KMT5B: variants seen among roughly 807,000 people sequenced by gnomAD.
The protein encoded by KMT5B is lysine methyltransferase 5B, also known as histone-lysine N-methyltransferase KMT5B.
A neutral mutation model predicts 83.2 loss-of-function variants in KMT5B; 10 were observed. The observed-to-expected ratio is 0.12, with a 90% CI of 0.07 to 0.20. The LOEUF (loss-of-function observed/expected upper bound fraction) is 0.20, where lower values mean the gene tolerates loss of function less well. Ranked by LOEUF, KMT5B falls within the 10% of genes least tolerant of loss-of-function variation. The pLI, the probability that KMT5B is intolerant of heterozygous loss-of-function variation, is 1.00. For synonymous variants in KMT5B, 349 were observed against 388.8 expected (o/e 0.90, Z 1.20); for missense variants, 753 against 1,067.2 (o/e 0.71, Z 4.10).
At position 68,175,000 on chromosome 11, in the gene KMT5B, C is replaced by A. The variant is rs753177088; in HGVS notation, c.543+18G>T. 3 of 1,604,822 alleles carry A rather than the reference C, an allele frequency of 1.9e-6. No homozygotes were observed. Among genetic ancestry groups the A allele is most frequent in the Non-Finnish European group, 2.6e-6 (3 of 1,172,444 alleles). ...TCTTATCCAAATAGGTTAACAGCAT[C>A]AGTCTTAATAAACTTACATGTTCTT... On this transcript the variant is annotated intron_variant, in intron 5 of 10. Transcript: ENST00000304363.
At chr11:68,160,304 A>C (rs142146165) in intron 10 of KMT5B, among the ~76,000 whole-genome samples, 1 of 152,068 alleles carries the variant, frequency 6.6e-6, no homozygotes, top group African/African-American at 2.4e-5. Context: ...TGCTATGTTA[A>C]TTTTTCCTCT....
At chr11:68,197,194 C>CGATCTCCTGACCTCAT (rs1373740987) in intron 1 of KMT5B, among the ~76,000 whole-genome samples, 1 of 152,072 alleles carries the variant, frequency 6.6e-6, no homozygotes, top group African/African-American at 2.4e-5. Flanking sequence ...AGGATAGTCT[C>CGATCTCCTGACCTCAT]GATCTCCTGA....
chr11:68,213,623 G>A (rs1232153171), upstream of KMT5B: 3 of 153,648 alleles, frequency 2.0e-5, no homozygotes, highest in African/African-American at 7.3e-5. Flanking sequence ...CACCGCCGCC[G>A]CGTCGCCGCC....
intron 1 of KMT5B, among the ~76,000 whole-genome samples, chr11:68,202,502 G>A (rs2153085028): frequency 6.7e-6 from 1 of 149,156 alleles, no homozygotes; most frequent in African/African-American, 2.5e-5. Flanking sequence ...ACTACTCTGT[G>A]TAATTATCTG....
At chr11:68,177,039 A>G (rs1046171380) in intron 4 of KMT5B, among the ~76,000 whole-genome samples, 2 of 152,184 alleles carry the variant, frequency 1.3e-5, no homozygotes, top group African/African-American at 4.8e-5. Flanking sequence ...ATAGTATTTC[A>G]GTAAGATTTC....
At chr11:68,199,086 G>A (rs371374337) in intron 1 of KMT5B, among the ~76,000 whole-genome samples, 1 of 152,024 alleles carries the variant, frequency 6.6e-6, no homozygotes, top group Non-Finnish European at 1.5e-5. Context: ...TAAAGTAATT[G>A]CGTTGTTTTT....
At chr11:68,166,774 T>C in intron 10 of KMT5B, 2 of 1,391,090 alleles carry the variant, frequency 1.4e-6, no homozygotes, top group South Asian at 1.7e-5. Flanking sequence ...TCAAGAAAAA[T>C]AGTCTAGAGG....
intron 10 of KMT5B, among the ~76,000 whole-genome samples, chr11:68,161,998 C>T (rs528880474): frequency 1.3e-5 from 2 of 152,270 alleles, no homozygotes; most frequent in Admixed American, 6.5e-5. Context: ...TGGTCAATAT[C>T]ACCACCACAT....
chr11:68,180,256 C>A, intron 3 of KMT5B, 56 bp from the exon 4 acceptor site: 1 of 1,517,720 alleles, frequency 6.6e-7, no homozygotes, highest in East Asian at 2.4e-5. Context: ...ATAATCTGTA[C>A]TTGTAATTTC....
At chr11:68,205,595 G>T (rs1371950011) in intron 1 of KMT5B, among the ~76,000 whole-genome samples, 1 of 151,058 alleles carries the variant, frequency 6.6e-6, no homozygotes, top group Non-Finnish European at 1.5e-5. Context: ...TCCACTACTG[G>T]TAAGTTTATG....
In KMT5B at chr11:68,178,535, TAAG is replaced by T. The variant is rs1186202326; in HGVS notation, c.377+1594_377+1596del. Among the ~76,000 whole-genome samples, 489 of 152,288 alleles carry T rather than the reference TAAG, an allele frequency of 3.2e-3. 4 individuals are homozygous for T. Among genetic ancestry groups the T allele is most frequent in the African/African-American group, 0.011 (474 of 41,546 alleles). On this transcript the variant is annotated intron_variant, in intron 4 of 10. Transcript: ENST00000304363. ...AAGAACCTCTATTTCACTAAAAATATAAGTTGCTGTCCCAAACCTGTTAAAACT... is the reference window on the plus strand; with the variant it reads ...AAGAACCTCTATTTCACTAAAAATATTTGCTGTCCCAAACCTGTTAAAACT...
rs775688691 is a variant in KMT5B, at chr11:68,158,177, A to T, written c.2169T>A (p.Arg723=). The T allele has an allele frequency of 6.2e-7, 1 of 1,614,140 alleles. No homozygotes were observed. The highest frequency in any genetic ancestry group is 8.5e-7 in the Non-Finnish European group (1 of 1,180,036). Residue 723 remains arginine, a synonymous_variant, in exon 11 of 11, where the codon CGT becomes CGA. Transcript: ENST00000304363. ...SGIPKLTLRR[R]HDSSSKTNDQ... is the part of the protein sequence containing the mutation. ...CATTTGTTTTGCTGCTGCTATCATG[A>T]CGCCTACGAAGAGTCAATTTGGGAA...
chr11:68,164,401 G>A (rs781405793), intron 10 of KMT5B, among the ~76,000 whole-genome samples: 10 of 152,206 alleles, frequency 6.6e-5, no homozygotes, highest in Non-Finnish European at 1.3e-4. Context: ...CCTGGGAGGA[G>A]GGACTGGCAG....
At chr11:68,194,967 G>A (rs1218864058) in intron 1 of KMT5B, among the ~76,000 whole-genome samples, 68 of 152,152 alleles carry the variant, frequency 4.5e-4, no homozygotes, top group Non-Finnish European at 8.8e-5. Flanking sequence ...TTGAGGCCAG[G>A]AGTTCGAGAC....
chr11:68,173,997 G>A (rs193299266), intron 5 of KMT5B, 84 bp from the exon 6 acceptor site: 80 of 909,584 alleles, frequency 8.8e-5, no homozygotes, highest in Admixed American at 4.6e-4. Flanking sequence ...CAAACCACCC[G>A]CAATGATGAA....
intron 1 of KMT5B, among the ~76,000 whole-genome samples, chr11:68,193,727 A>G (rs1858365679): frequency 6.6e-6 from 1 of 152,176 alleles, no homozygotes; most frequent in Non-Finnish European, 1.5e-5. Context: ...ACCAAATTTA[A>G]CATTAAAACC....
At chr11:68,198,181 C>T (rs1359162398) in intron 1 of KMT5B, among the ~76,000 whole-genome samples, 2 of 152,090 alleles carry the variant, frequency 1.3e-5, no homozygotes, top group Non-Finnish European at 2.9e-5. Flanking sequence ...GTCAGGAGTT[C>T]GAGACCAGCC....
chr11:68,201,587 A>C (rs1204144590), intron 1 of KMT5B, among the ~76,000 whole-genome samples: 2 of 152,336 alleles, frequency 1.3e-5, no homozygotes, highest in African/African-American at 4.8e-5. Context: ...ATTAAAAAAA[A>C]AATCTGTCAA....
intron 1 of KMT5B, among the ~76,000 whole-genome samples, chr11:68,209,336 T>C (rs1419638407): frequency 6.6e-6 from 1 of 152,118 alleles, no homozygotes; most frequent in Non-Finnish European, 1.5e-5. Flanking sequence ...CAGGGAACAC[T>C]AGAGGGCGTA....
Sources: allele counts gnomAD v4.1 joint callset (sites outside exome capture counted in the v4.1 genomes callset), GRCh38; gene constraint gnomAD v4.1.1; transcripts MANE v1.5; gene names NCBI Gene and HGNC (gene_info 2026-07-23, HGNC 2026-07-21).